The following SHANK1 variants were observed in gnomAD, a reference collection of about 807,000 sequenced individuals.
SHANK1 encodes the protein SH3 and multiple ankyrin repeat domains 1.
Under a neutral mutation model 165.6 loss-of-function variants are expected in SHANK1, and 35 were observed. That is an observed-to-expected ratio of 0.21 (90% CI 0.16 to 0.28). SHANK1 has a LOEUF of 0.28. SHANK1 is among the 10% of genes least tolerant of loss of function. The pLI, the probability that SHANK1 is intolerant of heterozygous loss-of-function variation, is 1.00. For missense variants in SHANK1, 2,681 were observed against 3,036.4 expected (o/e 0.88, Z 2.75); for synonymous variants, 1,428 against 1,384.8 (o/e 1.03, Z -0.69).
chr19:50,708,956 C>T (rs748529465), intron 8 of SHANK1, among the ~76,000 whole-genome samples: 101 of 152,208 alleles, frequency 6.6e-4, no homozygotes, highest in Admixed American at 7.2e-4. Flanking sequence ...GAGGCCAAGG[C>T]GGCAGAGGCT....
At chr19:50,701,476 A>G (rs1443913823) in intron 12 of SHANK1, among the ~76,000 whole-genome samples, 1 of 151,784 alleles carries the variant, frequency 6.6e-6, no homozygotes. Flanking sequence ...TACAGGTGTG[A>G]GCCACCTTGT....
At position 50,686,859 on chromosome 19, in the gene SHANK1, G is replaced by A; in HGVS notation, c.2390-47C>T. On this transcript the variant is annotated intron_variant, in intron 19 of 23. Transcript: ENST00000293441. This position sits in a 1 kb window ranked among gnomAD's most constrained non-coding sequence, Gnocchi z 5.7. ...GACGCCCAGGGAGCCCCCGGGGGCG[G>A]GGCGGAGCGGGCTCGGCCTGTGGGC... The A allele has an allele frequency of 6.2e-7, 1 of 1,607,390 alleles. No individual in the cohort carries two copies. Among genetic ancestry groups the A allele is most frequent in the Non-Finnish European group, 8.5e-7 (1 of 1,175,218 alleles).
Position 50,711,500 on chromosome 19 carries a change from G to T in SHANK1, c.961-13C>A. 2 of 1,554,936 alleles carry T rather than the reference G, an allele frequency of 1.3e-6. No individual in the cohort carries two copies. The highest frequency in any genetic ancestry group is 1.4e-5 in the African/African-American group (1 of 73,566). Reference sequence around the variant, plus strand: ...CCCGCTGGCAGGCCTGGGCAGGACAGGGAGCGAGGGGCATGGATCAGACCC... The same window carrying T: ...CCCGCTGGCAGGCCTGGGCAGGACATGGAGCGAGGGGCATGGATCAGACCC... On this transcript the variant is annotated splice_polypyrimidine_tract_variant and intron_variant, in intron 7 of 23. Coordinates refer to ENST00000293441, the MANE Select transcript of SHANK1 (RefSeq NM_016148.5).
rs1216663004 is a variant in SHANK1 at position 50,713,410 on chromosome 19, T to G, written c.792+388A>C. Among the ~76,000 whole-genome samples the G allele has an allele frequency of 6.6e-6, 1 of 151,752 alleles. No individual in the cohort carries two copies. Among genetic ancestry groups the G allele is most frequent in the Admixed American group, 6.6e-5 (1 of 15,242 alleles). On this transcript the variant is annotated intron_variant, in intron 6 of 23. Transcript: ENST00000293441. The surrounding 1 kb of genome is among the most constrained non-coding windows in gnomAD (Gnocchi z 6.2). The stretch of plus-strand genomic sequence containing the variant: ...TTGGAAGGGTAGCTGGGGGGCTGTT[T>G]TCAGGGTGTGTGTGGAGGGGCTCTA...
chr19:50,669,145 G>C lies in SHANK1; in HGVS notation c.2815C>G (p.Pro939Ala). ...GGGGTGAGGCGCCCTGAGGAGGAGG[G>C]GACTGGAGGTGTGCTGTAGGGAGGC... Reference protein sequence around the residue: ...PEPPYSTPPVPSSSGRLTPSP... With the variant: ...PEPPYSTPPVASSSGRLTPSP... Residue 939 changes from proline to alanine, a missense_variant, in exon 23 of 24, where the codon CCC becomes GCC. Pro to Ala is a conservative substitution (Grantham distance 27). This residue lies in a region of SHANK1 where 1,713 missense variants were observed against 1,630.2 expected (regional missense o/e 1.05). Transcript: ENST00000293441. 6.4e-7 allele frequency: 1 copy of C among 1,569,088 alleles called. No individual in the cohort carries two copies. Among genetic ancestry groups the C allele is most frequent in the Non-Finnish European group, 8.6e-7 (1 of 1,158,334 alleles).
Position 50,702,442 on chromosome 19 carries a change from C to A in SHANK1, c.1747+25G>T. 1 of 1,594,532 alleles carries A rather than the reference C, an allele frequency of 6.3e-7. No individual in the cohort carries two copies. The highest frequency in any genetic ancestry group is 8.5e-7 in the Non-Finnish European group (1 of 1,169,722). ...ATCGCCCCCACAGCCCAGCCCAGCC[C>A]AGGCCCTGCTTCCACCCTGGGTACC... On this transcript the variant is annotated intron_variant, in intron 12 of 23. Transcript: ENST00000293441. This position sits in a 1 kb window ranked among gnomAD's most constrained non-coding sequence, Gnocchi z 5.3.
At chr19:50,683,525 C>T (rs950204695) in intron 21 of SHANK1, among the ~76,000 whole-genome samples, 3 of 152,146 alleles carry the variant, frequency 2.0e-5, no homozygotes, top group Non-Finnish European at 4.4e-5. Flanking sequence ...CGTATTTTCT[C>T]CATAAGGCAC....
intron 22 of SHANK1, 100 bp downstream of exon 22, chr19:50,671,918 C>G (rs1985805461): frequency 1.1e-6 from 1 of 897,918 alleles, no homozygotes; most frequent in East Asian, 2.6e-5. Flanking sequence ...ACTATGGTCT[C>G]TCTGGGAGCA....
chr19:50,687,408 A>T (rs536577096), intron 19 of SHANK1, among the ~76,000 whole-genome samples, 174 bp downstream of exon 19: 1 of 152,232 alleles, frequency 6.6e-6, no homozygotes, highest in South Asian at 2.1e-4. Flanking sequence ...GTCGTCTCTC[A>T]GACACCCCTT....
intron 22 of SHANK1, 116 bp from the exon 23 acceptor site, chr19:50,669,401 G>T: frequency 1.4e-6 from 1 of 696,964 alleles, no homozygotes; most frequent in Non-Finnish European, 2.5e-6. Flanking sequence ...GTATATGCCA[G>T]GAACTTCACG....
At chr19:50,679,092 G>A (rs1301117969) in intron 21 of SHANK1, among the ~76,000 whole-genome samples, 1 of 118,276 alleles carries the variant, frequency 8.5e-6, no homozygotes, top group East Asian at 2.8e-4. Context: ...CAGGGTGATG[G>A]GGAGGGGTCA....
Position 50,713,994 on chromosome 19 carries a change from C to T in SHANK1, c.641-45G>A, listed in dbSNP as rs770426907. The T allele has an allele frequency of 3.1e-6, 5 of 1,605,378 alleles. No individual in the cohort carries two copies. The South Asian group carries it at 5.5e-5, about 18-fold the overall frequency. ...GGTCACATGAAGCCCCTTCTCCTCCCCTCCATCCCTTCCCATTTTCCAGGC... is the reference window on the plus strand; with the variant it reads ...GGTCACATGAAGCCCCTTCTCCTCCTCTCCATCCCTTCCCATTTTCCAGGC... On this transcript the variant is annotated intron_variant, in intron 5 of 23. Transcript: ENST00000293441. The surrounding 1 kb of genome is among the most constrained non-coding windows in gnomAD (Gnocchi z 6.2).
chr19:50,678,581 G>T (rs1986053812), intron 21 of SHANK1, among the ~76,000 whole-genome samples: 1 of 148,460 alleles, frequency 6.7e-6, no homozygotes, highest in Non-Finnish European at 1.5e-5. Flanking sequence ...GGATGACAGG[G>T]AAGGGTCAGG....
intron 8 of SHANK1, among the ~76,000 whole-genome samples, chr19:50,705,736 G>A (rs2088930832): frequency 6.6e-6 from 1 of 152,204 alleles, no homozygotes; most frequent in Non-Finnish European, 1.5e-5. Flanking sequence ...TAGACCTTAC[G>A]GAGGCTTACC....
chr19:50,717,339 C>A lies in SHANK1; in HGVS notation c.-43-377G>T, dbSNP rs748922074. Among the ~76,000 whole-genome samples, 1 of 152,228 alleles carries A rather than the reference C, an allele frequency of 6.6e-6. No homozygotes were observed. Among genetic ancestry groups the A allele is most frequent in the Non-Finnish European group, 1.5e-5 (1 of 68,036 alleles). On this transcript the variant is annotated intron_variant, in intron 1 of 23. Transcript: ENST00000293441. This position sits in a 1 kb window ranked among gnomAD's most constrained non-coding sequence, Gnocchi z 5.5. The stretch of plus-strand genomic sequence containing the variant: ...AAATGCAGCTAAAATTAGCTAAGGA[C>A]AGACAGGTGGACAAACTGACAGGCA...
chr19:50,716,449 G>A lies in SHANK1; in HGVS notation c.285C>T (p.Thr95=), dbSNP rs1449282990. Residue 95 remains threonine, a synonymous_variant, in exon 3 of 24, where the codon ACC becomes ACT. Coordinates refer to ENST00000293441, the MANE Select transcript of SHANK1 (RefSeq NM_016148.5). The surrounding 1 kb of genome is among the most constrained non-coding windows in gnomAD (Gnocchi z 8.4). ...GCACCTGCTGCTTGGCCGTCCAGAT[G>A]GTGGCATCGGGGTTGAAGCGAAGGC... ...TKCLRFNPDA[T]IWTAKQQVLC... 3.1e-6 allele frequency: 5 copies of A among 1,614,082 alleles called. No individual in the cohort carries two copies. The Admixed American group carries it at 6.7e-5, about 22-fold the overall frequency.
chr19:50,708,973 A>G (rs2088976295), intron 8 of SHANK1, among the ~76,000 whole-genome samples: 1 of 152,192 alleles, frequency 6.6e-6, no homozygotes, highest in Non-Finnish European at 1.5e-5. Flanking sequence ...GGCTGAGGAA[A>G]AACTGTCAGA....
intron 8 of SHANK1, among the ~76,000 whole-genome samples, chr19:50,709,572 C>G (rs1271654585): frequency 2.0e-5 from 3 of 151,430 alleles, no homozygotes; most frequent in Admixed American, 2.0e-4. Flanking sequence ...TTTTTTAAGG[C>G]AGGGTCTCAC....
At chr19:50,685,611 C>G (rs1416015441) in intron 21 of SHANK1, among the ~76,000 whole-genome samples, 1 of 152,114 alleles carries the variant, frequency 6.6e-6, no homozygotes, top group African/African-American at 2.4e-5. Flanking sequence ...GTAATCCCAG[C>G]TACTCAGGAG....
Sources: gnomAD v4.1 joint callset for allele counts (sites outside exome capture counted in the v4.1 genomes callset) on GRCh38, gnomAD v4.1.1 for gene constraint, gnomAD v4.1.1 regional missense constraint, Gnocchi (gnomAD v3.1) non-coding constraint, MANE v1.5 for transcripts, NCBI Gene and HGNC (gene_info 2026-07-23, HGNC 2026-07-21) for gene names.